SCD5: variants seen among roughly 807,000 people sequenced by gnomAD.
The protein encoded by SCD5 is stearoyl-CoA desaturase 5.
A neutral mutation model predicts 30.4 loss-of-function variants in SCD5; 20 were observed. The ratio of observed to expected loss-of-function variants is 0.66; its 90% confidence interval spans 0.46 to 0.96. SCD5 has a LOEUF of 0.96. Among genes scored for constraint, SCD5 ranks in the 40% least tolerant of loss-of-function variants. The pLI is 0.00. For missense variants in SCD5, 381 were observed against 443.3 expected (o/e 0.86, Z 1.26); for synonymous variants, 173 against 176.4 (o/e 0.98, Z 0.16).
At chr4:82,720,278 T>A (rs6535392) in intron 1 of SCD5, among the ~76,000 whole-genome samples, 89,164 of 150,630 alleles carry the variant, frequency 0.59, 28,241 homozygotes, top group African/African-American at 0.83. Flanking sequence ...AAAATTTTTT[T>A]AAAAATTAGT....
At chr4:82,744,569 G>A (rs1720945748) in intron 1 of SCD5, among the ~76,000 whole-genome samples, 1 of 152,070 alleles carries the variant, frequency 6.6e-6, no homozygotes, top group Admixed American at 6.6e-5. Context: ...CCTGCCTAAG[G>A]GCTTTCAAAG....
chr4:82,719,271 C>A (rs1037895359), intron 1 of SCD5, among the ~76,000 whole-genome samples: 1 of 151,556 alleles, frequency 6.6e-6, no homozygotes, highest in Non-Finnish European at 1.5e-5. Context: ...CCCTGTTTAC[C>A]CCATACAGTA....
intron 1 of SCD5, among the ~76,000 whole-genome samples, chr4:82,774,415 T>A (rs1464091317): frequency 6.6e-6 from 1 of 152,186 alleles, no homozygotes; most frequent in South Asian, 2.1e-4. Context: ...TGAGACAAAT[T>A]GTGCATAGAG....
intron 3 of SCD5, among the ~76,000 whole-genome samples, chr4:82,641,560 T>G (rs183541175): frequency 3.5e-4 from 54 of 152,260 alleles, no homozygotes; most frequent in African/African-American, 1.2e-3. Flanking sequence ...GTTAGCCATT[T>G]GGCTAACTGG....
At chr4:82,768,852 G>A (rs1174029469) in intron 1 of SCD5, among the ~76,000 whole-genome samples, 1 of 152,094 alleles carries the variant, frequency 6.6e-6, no homozygotes, top group Non-Finnish European at 1.5e-5. Context: ...CAGATTATGA[G>A]AGGTGTAGTG....
chr4:82,770,084 T>C (rs992979287), intron 1 of SCD5, among the ~76,000 whole-genome samples: 1 of 152,196 alleles, frequency 6.6e-6, no homozygotes, highest in African/African-American at 2.4e-5. Context: ...GTGCACAACG[T>C]GCAGGTTTGT....
chr4:82,723,216 G>T (rs1720405848), intron 1 of SCD5, among the ~76,000 whole-genome samples: 2 of 152,008 alleles, frequency 1.3e-5, no homozygotes, highest in Non-Finnish European at 2.9e-5. Context: ...GCAATTTTTG[G>T]CACTAGGGGC....
At chr4:82,774,123 T>G (rs1317200959) in intron 1 of SCD5, among the ~76,000 whole-genome samples, 1 of 149,774 alleles carries the variant, frequency 6.7e-6, no homozygotes, top group Non-Finnish European at 1.5e-5. Flanking sequence ...AAATACATCC[T>G]ATGGAAATGC....
chr4:82,680,784 A>C lies in SCD5; in HGVS notation c.492T>G (p.His164Gln), dbSNP rs1321903917. 1 of 1,613,730 alleles carries C rather than the reference A, an allele frequency of 6.2e-7. No homozygotes were observed. The highest frequency in any genetic ancestry group is 8.5e-7 in the Non-Finnish European group (1 of 1,180,014). Residue 164 changes from histidine (H) to glutamine (Q), a missense_variant, in exon 3 of 5, where the codon CAT (histidine) becomes CAG (glutamine). His to Gln is a conservative substitution (Grantham distance 24). Coordinates refer to ENST00000319540, the MANE Select transcript of SCD5 (RefSeq NM_001037582.3). ...TTCTCCCCTTCTCAATAACATCTCGATGCTTGCGAACAAACAGCCACCCAA... is the reference window on the plus strand; with the variant it reads ...TTCTCCCCTTCTCAATAACATCTCGCTGCTTGCGAACAAACAGCCACCCAA... ...SHIGWLFVRKHRDVIEKGRKL... is the reference protein window; with the variant it reads ...SHIGWLFVRKQRDVIEKGRKL...
intron 3 of SCD5, among the ~76,000 whole-genome samples, chr4:82,638,288 C>G (rs992924771): frequency 1.3e-5 from 2 of 151,856 alleles, no homozygotes; most frequent in East Asian, 3.9e-4. Context: ...CCTGCCCCCC[C>G]AAAAAAAAGC....
At chr4:82,733,767 G>A (rs775756960) in intron 1 of SCD5, among the ~76,000 whole-genome samples, 1 of 152,072 alleles carries the variant, frequency 6.6e-6, no homozygotes, top group Non-Finnish European at 1.5e-5. Context: ...TGGGGCCATG[G>A]GAATCTCCCC....
chr4:82,695,550 C>G (rs1005097300), intron 2 of SCD5, among the ~76,000 whole-genome samples: 1 of 152,146 alleles, frequency 6.6e-6, no homozygotes, highest in Admixed American at 6.5e-5. Context: ...AGGAGAAGAA[C>G]AGAAGAACAG....
At chr4:82,655,494 G>A (rs900496056) in intron 3 of SCD5, among the ~76,000 whole-genome samples, 1 of 152,192 alleles carries the variant, frequency 6.6e-6, no homozygotes, top group African/African-American at 2.4e-5. Context: ...AAGTATAAAA[G>A]TAGTGAGTGT....
intron 1 of SCD5, among the ~76,000 whole-genome samples, chr4:82,761,448 A>G (rs550819381): frequency 6.6e-6 from 1 of 152,352 alleles, no homozygotes; most frequent in Admixed American, 6.5e-5. Context: ...CCATGGAGAC[A>G]GTGGTGATTT....
intron 1 of SCD5, among the ~76,000 whole-genome samples, chr4:82,723,372 A>C (rs1437545010): frequency 2.0e-5 from 3 of 152,194 alleles, no homozygotes; most frequent in Non-Finnish European, 4.4e-5. Context: ...GTCTTTTAAA[A>C]GACTTGTTTT....
At chr4:82,798,258 C>T in intron 1 of SCD5, 48 bp downstream of exon 1, 1 of 1,448,124 alleles carries the variant, frequency 6.9e-7, no homozygotes, top group African/African-American at 1.5e-5. Flanking sequence ...CGCCCCAGCG[C>T]GGCCTGGCCA....
chr4:82,756,870 CTGT>C (rs943222860), intron 1 of SCD5, among the ~76,000 whole-genome samples: 49 of 152,216 alleles, frequency 3.2e-4, no homozygotes, highest in African/African-American at 1.1e-3. Context: ...TGAAACCAAA[CTGT>C]TGTTGTTGTT....
At chr4:82,798,161 G>A in intron 1 of SCD5, 145 bp downstream of exon 1, 1 of 925,886 alleles carries the variant, frequency 1.1e-6, no homozygotes, top group South Asian at 5.1e-5. Flanking sequence ...TGGATGCCAA[G>A]GGGGCCGCGG....
chr4:82,723,144 T>C (rs1578038581), intron 1 of SCD5, among the ~76,000 whole-genome samples: 1 of 151,338 alleles, frequency 6.6e-6, no homozygotes, highest in East Asian at 1.9e-4. Flanking sequence ...TACAGGAACA[T>C]TACATAGTGA....
Sources: allele counts gnomAD v4.1 joint callset (sites outside exome capture counted in the v4.1 genomes callset), GRCh38; gene constraint gnomAD v4.1.1; transcripts MANE v1.5; gene names NCBI Gene and HGNC (gene_info 2026-07-23, HGNC 2026-07-21).